MYRIP: variants seen among roughly 807,000 people sequenced by gnomAD.
MYRIP encodes rab effector MyRIP.
Under a neutral mutation model 98.0 loss-of-function variants are expected in MYRIP, and 49 were observed. The ratio of observed to expected loss-of-function variants is 0.50; its 90% CI spans 0.40 to 0.63. MYRIP has a LOEUF of 0.63. Ranked by LOEUF, MYRIP falls within the 30% of genes least tolerant of loss-of-function variation. The probability of loss-of-function intolerance (pLI) is 0.00; values close to 1 mark genes in which losing one functional copy is unlikely to be tolerated. For missense variants in MYRIP, 1,004 were observed against 1,058.2 expected (o/e 0.95, Z 0.71); for synonymous variants, 404 against 409.5 (o/e 0.99, Z 0.16).
intron 13 of MYRIP, among the ~76,000 whole-genome samples, chr3:40,248,736 T>C (rs1953280257): frequency 6.6e-6 from 1 of 152,204 alleles, no homozygotes; most frequent in South Asian, 2.1e-4. Flanking sequence ...ACCAGTTGCT[T>C]ATGACTGGTA....
intron 11 of MYRIP, among the ~76,000 whole-genome samples, chr3:40,214,260 C>T (rs747238813): frequency 1.3e-5 from 2 of 152,214 alleles, no homozygotes; most frequent in Non-Finnish European, 2.9e-5. Context: ...CAAAAGGAGG[C>T]TTGCCTCACA....
chr3:40,021,039 C>T (rs1289382049), intron 2 of MYRIP, among the ~76,000 whole-genome samples: 1 of 152,160 alleles, frequency 6.6e-6, no homozygotes, highest in African/African-American at 2.4e-5. Flanking sequence ...CTGCCAAATG[C>T]CTCACACATG....
At chr3:40,026,256 GA>G (rs1270806449) in intron 2 of MYRIP, among the ~76,000 whole-genome samples, 1 of 152,132 alleles carries the variant, frequency 6.6e-6, no homozygotes, top group Non-Finnish European at 1.5e-5. Context: ...TCTGCAAGAA[GA>G]AAAATATGGC....
At chr3:40,230,849 G>T (rs9878694) in intron 11 of MYRIP, among the ~76,000 whole-genome samples, 3 of 148,920 alleles carry the variant, frequency 2.0e-5, no homozygotes, top group Non-Finnish European at 4.4e-5. Context: ...TTTTTTAGGC[G>T]GAATTTCGCT....
At chr3:39,834,639 G>T (rs574214558) in intron 1 of MYRIP, among the ~76,000 whole-genome samples, 14 of 152,134 alleles carry the variant, frequency 9.2e-5, no homozygotes, top group African/African-American at 3.1e-4. Context: ...ATTTTCATAT[G>T]ACATAAATTA....
intron 1 of MYRIP, among the ~76,000 whole-genome samples, chr3:39,840,936 G>C (rs1364824215): frequency 6.6e-6 from 1 of 152,108 alleles, no homozygotes; most frequent in Non-Finnish European, 1.5e-5. Flanking sequence ...AAAATTATGT[G>C]TCTTGGGGTT....
At chr3:39,968,388 C>G (rs145313974) in intron 2 of MYRIP, among the ~76,000 whole-genome samples, 5 of 152,182 alleles carry the variant, frequency 3.3e-5, no homozygotes, top group African/African-American at 4.8e-5. Context: ...GTCTCAAACT[C>G]CTGACCTCAA....
intron 12 of MYRIP, 94 bp from the exon 13 acceptor site, chr3:40,244,352 T>TCTCA: frequency 8.8e-7 from 1 of 1,132,274 alleles, no homozygotes; most frequent in Non-Finnish European, 1.2e-6. Flanking sequence ...AGTCCAGTTA[T>TCTCA]CTCACTCCCC....
At chr3:40,108,214 G>GAGAGA (rs1949089558) in intron 3 of MYRIP, among the ~76,000 whole-genome samples, 9 of 120,760 alleles carry the variant, frequency 7.5e-5, no homozygotes, top group African/African-American at 2.9e-4. Flanking sequence ...AGAGAGAGAG[G>GAGAGA]GTGAGTCGAA....
chr3:40,068,546 A>G (rs1292218288), intron 3 of MYRIP, among the ~76,000 whole-genome samples: 1 of 152,248 alleles, frequency 6.6e-6, no homozygotes, highest in African/African-American at 2.4e-5. Flanking sequence ...CCAAACAGCA[A>G]TTCTATACAA....
At chr3:40,121,194 G>T (rs1949397100) in intron 3 of MYRIP, among the ~76,000 whole-genome samples, 1 of 152,134 alleles carries the variant, frequency 6.6e-6, no homozygotes, top group African/African-American at 2.4e-5. Context: ...CACACCACAT[G>T]AATAGCACCT....
At chr3:39,909,027 T>C (rs1274479556) in intron 2 of MYRIP, among the ~76,000 whole-genome samples, 2 of 152,140 alleles carry the variant, frequency 1.3e-5, no homozygotes, top group East Asian at 1.9e-4. Context: ...TTCGATGGGA[T>C]TGGTAGATCA....
At chr3:39,932,551 T>A (rs1490221070) in intron 2 of MYRIP, among the ~76,000 whole-genome samples, 3 of 152,136 alleles carry the variant, frequency 2.0e-5, no homozygotes, top group Non-Finnish European at 2.9e-5. Flanking sequence ...TTGGGGGTTT[T>A]TTTTGGTTTT....
intron 2 of MYRIP, among the ~76,000 whole-genome samples, chr3:39,959,429 A>C (rs1945261175): frequency 6.6e-6 from 1 of 152,150 alleles, no homozygotes; most frequent in Admixed American, 6.6e-5. Context: ...AGGGACAGAA[A>C]ACCAAACACC....
intron 10 of MYRIP, among the ~76,000 whole-genome samples, chr3:40,192,095 C>T (rs1018662350): frequency 6.8e-6 from 1 of 147,978 alleles, no homozygotes; most frequent in East Asian, 2.0e-4. Flanking sequence ...ACATCAAAAC[C>T]CTGATGGGTT....
At chr3:40,233,800 G>A (rs534054593) in intron 11 of MYRIP, 59 bp from the exon 12 acceptor site, 31 of 1,466,442 alleles carry the variant, frequency 2.1e-5, no homozygotes, top group Admixed American at 1.6e-4. Context: ...TAGAATTTCT[G>A]TGTCATTGTT....
chr3:39,885,492 G>A (rs6796155), intron 1 of MYRIP, among the ~76,000 whole-genome samples: 47,132 of 151,702 alleles, frequency 0.31, 7,538 homozygotes, highest in Middle Eastern at 0.45. Flanking sequence ...TGCTCTTCTC[G>A]CGGAGTATCT....
intron 9 of MYRIP, 79 bp downstream of exon 9, chr3:40,182,452 C>A: frequency 1.4e-6 from 2 of 1,479,266 alleles, no homozygotes; most frequent in Non-Finnish European, 1.8e-6. Flanking sequence ...ATTGCATGGC[C>A]ACTCTGCTCT....
intron 11 of MYRIP, among the ~76,000 whole-genome samples, chr3:40,218,624 A>AT (rs1331758980): frequency 0.025 from 303 of 12,256 alleles, 9 homozygotes; most frequent in African/African-American, 0.038. Context: ...ATATATATAT[A>AT]TATATATATA....
Sources: gnomAD v4.1 joint callset for allele counts (sites outside exome capture counted in the v4.1 genomes callset) on GRCh38, gnomAD v4.1.1 for gene constraint, MANE v1.5 for transcripts, NCBI Gene and HGNC (gene_info 2026-07-23, HGNC 2026-07-21) for gene names.